Variants in BMPR2 observed in about 807,000 individuals in gnomAD.
BMPR2 encodes the protein bone morphogenetic protein receptor type-2.
BMPR2 carries 29 observed loss-of-function variants against 100.8 expected under a neutral mutation model. The ratio of observed to expected loss-of-function variants is 0.29; its 90% CI spans 0.21 to 0.39. The LOEUF is 0.39. Ranked by LOEUF, BMPR2 falls within the 10% of genes least tolerant of loss-of-function variation. The probability of loss-of-function intolerance (pLI) is 1.00; values close to 1 mark genes in which losing one functional copy is unlikely to be tolerated. For synonymous variants in BMPR2, 382 were observed against 442.3 expected (o/e 0.86, Z 1.71); for missense variants, 1,011 against 1,274.5 (o/e 0.79, Z 3.15).
intron 1 of BMPR2, among the ~76,000 whole-genome samples, chr2:202,390,205 TAGA>T (rs1436232725): frequency 3.3e-5 from 5 of 152,200 alleles, no homozygotes; most frequent in Non-Finnish European, 4.4e-5. Flanking sequence ...GGGACAGTTC[TAGA>T]AGTAAGATCA....
intron 3 of BMPR2, among the ~76,000 whole-genome samples, chr2:202,504,826 C>G (rs1687488351): frequency 6.6e-6 from 1 of 151,502 alleles, no homozygotes; most frequent in South Asian, 2.1e-4. Flanking sequence ...ATTACAGGTG[C>G]CTGCCCCCGT....
chr2:202,499,488 G>A (rs964654783), intron 3 of BMPR2, among the ~76,000 whole-genome samples: 4 of 152,132 alleles, frequency 2.6e-5, no homozygotes, highest in Admixed American at 2.6e-4. Context: ...CTGTTGACCT[G>A]TGTTCTAGAA....
chr2:202,487,950 TTAGCATGCCTCACCCTTCCAAAG>T (rs1400288089), intron 3 of BMPR2, among the ~76,000 whole-genome samples: 1 of 152,218 alleles, frequency 6.6e-6, no homozygotes, highest in Admixed American at 6.5e-5. Flanking sequence ...CCTCAGGTGA[TTAGCATGCCTCACCCTTCCAAAG>T]TGCTGGGATT....
intron 9 of BMPR2, among the ~76,000 whole-genome samples, chr2:202,534,749 C>T (rs1278890302): frequency 6.6e-6 from 1 of 151,610 alleles, no homozygotes; most frequent in Non-Finnish European, 1.5e-5. Context: ...CATTGTCATC[C>T]TGGCCCGTTC....
intron 6 of BMPR2, among the ~76,000 whole-genome samples, chr2:202,519,567 CTTTA>C (rs1050378408): frequency 7.2e-5 from 11 of 152,026 alleles, no homozygotes; most frequent in Non-Finnish European, 8.8e-5. Flanking sequence ...TTTTTCTCTT[CTTTA>C]TTTAATTTTT....
intron 1 of BMPR2, among the ~76,000 whole-genome samples, chr2:202,429,449 C>T (rs569839200): frequency 1.3e-5 from 2 of 152,250 alleles, no homozygotes; most frequent in African/African-American, 4.8e-5. Context: ...GCTTATGATA[C>T]GTCCCTTGCT....
intron 1 of BMPR2, among the ~76,000 whole-genome samples, chr2:202,463,590 T>G (rs1226507370): frequency 1.3e-5 from 2 of 152,200 alleles, no homozygotes; most frequent in East Asian, 3.8e-4. Context: ...GACTATTATT[T>G]TAGCTAATCA....
intron 3 of BMPR2, among the ~76,000 whole-genome samples, chr2:202,472,676 A>G (rs961130025): frequency 6.6e-6 from 1 of 152,164 alleles, no homozygotes; most frequent in African/African-American, 2.4e-5. Context: ...GAAAGAGAGA[A>G]AGTGAATTTG....
At chr2:202,457,097 C>A (rs920527720) in intron 1 of BMPR2, among the ~76,000 whole-genome samples, 2 of 151,844 alleles carry the variant, frequency 1.3e-5, no homozygotes, top group Admixed American at 1.3e-4. Context: ...CCAAATTGAC[C>A]ATATTTTCAA....
At chr2:202,444,780 A>G (rs1366738113) in intron 1 of BMPR2, among the ~76,000 whole-genome samples, 1 of 150,630 alleles carries the variant, frequency 6.6e-6, no homozygotes, top group Non-Finnish European at 1.5e-5. Context: ...TTCTCAGTGA[A>G]TTAGAAACTT....
At chr2:202,527,127 G>A (rs187902564) in intron 7 of BMPR2, among the ~76,000 whole-genome samples, 405 of 152,184 alleles carry the variant, frequency 2.7e-3, no homozygotes, top group Non-Finnish European at 4.4e-3. Flanking sequence ...ACCTCCAAAA[G>A]AGCTGGGATT....
intron 3 of BMPR2, among the ~76,000 whole-genome samples, chr2:202,475,430 AT>A (rs1461609938): frequency 6.6e-6 from 1 of 152,208 alleles, no homozygotes; most frequent in African/African-American, 2.4e-5. Flanking sequence ...AAATTAAAAA[AT>A]ATATATTAAT....
chr2:202,559,349 T>A (rs527811592), intron 12 of BMPR2, among the ~76,000 whole-genome samples: 1 of 152,144 alleles, frequency 6.6e-6, no homozygotes, highest in Non-Finnish European at 1.5e-5. Context: ...TAAATACAAT[T>A]AAATACAATA....
chr2:202,550,189 G>T (rs1688451080), intron 10 of BMPR2, among the ~76,000 whole-genome samples: 1 of 151,948 alleles, frequency 6.6e-6, no homozygotes, highest in African/African-American at 2.4e-5. Context: ...CCAACATGGT[G>T]AAACCCCATC....
intron 1 of BMPR2, among the ~76,000 whole-genome samples, chr2:202,413,639 A>T (rs1574435307): frequency 6.6e-6 from 1 of 151,876 alleles, no homozygotes; most frequent in East Asian, 1.9e-4. Context: ...CATATTGTTC[A>T]TTATATATTA....
intron 1 of BMPR2, among the ~76,000 whole-genome samples, chr2:202,432,202 T>C (rs114656009): frequency 6.6e-6 from 1 of 150,942 alleles, no homozygotes; most frequent in African/African-American, 2.5e-5. Context: ...AGAAAATTCC[T>C]TTAAGATTTG....
At chr2:202,425,906 TTGAG>T (rs1286086556) in intron 1 of BMPR2, among the ~76,000 whole-genome samples, 16 of 152,094 alleles carry the variant, frequency 1.1e-4, no homozygotes, top group South Asian at 8.3e-4. Context: ...CAGCTACAGA[TTGAG>T]TAAGATATTT....
intron 1 of BMPR2, among the ~76,000 whole-genome samples, chr2:202,381,598 A>G (rs1041441181): frequency 6.6e-6 from 1 of 152,220 alleles, no homozygotes; most frequent in Non-Finnish European, 1.5e-5. Context: ...GGCTAATGTA[A>G]TATTTGGATA....
At chr2:202,523,814 A>C (rs116439150) in intron 7 of BMPR2, among the ~76,000 whole-genome samples, 14,929 of 152,144 alleles carry the variant, frequency 0.098, 973 homozygotes, top group South Asian at 0.24. Context: ...CAAAAAGAAA[A>C]AAGAAAAAGA....
Sources: allele counts gnomAD v4.1 joint callset (sites outside exome capture counted in the v4.1 genomes callset), GRCh38; gene constraint gnomAD v4.1.1; transcripts MANE v1.5; gene names NCBI Gene and HGNC (gene_info 2026-07-23, HGNC 2026-07-21).